The following CMTM8 variants were observed in gnomAD, a reference collection of about 807,000 sequenced individuals.
CMTM8 encodes the protein CKLF-like MARVEL transmembrane domain-containing protein 8.
CMTM8 carries 12 observed loss-of-function variants against 18.6 expected under a neutral mutation model. The ratio of observed to expected loss-of-function variants is 0.65; its 90% confidence interval spans 0.41 to 1.05. The LOEUF is 1.05. CMTM8 is among the 50% of genes least tolerant of loss of function. CMTM8 has a pLI of 0.00. For missense variants in CMTM8, 217 were observed against 227.2 expected (o/e 0.95, Z 0.29); for synonymous variants, 87 against 90.6 (o/e 0.96, Z 0.23).
At chr3:32,273,257 C>T (rs547726825) in intron 1 of CMTM8, among the ~76,000 whole-genome samples, 1 of 151,610 alleles carries the variant, frequency 6.6e-6, no homozygotes, top group Non-Finnish European at 1.5e-5. Flanking sequence ...CCACTGTGCC[C>T]AGCTAAAACA....
intron 1 of CMTM8, among the ~76,000 whole-genome samples, chr3:32,279,681 T>G (rs1479237139): frequency 1.3e-5 from 1 of 79,722 alleles, no homozygotes; most frequent in African/African-American, 5.2e-5. Flanking sequence ...TATAGTCATT[T>G]GGGTATATAC....
chr3:32,349,380 C>A (rs1416972952), intron 1 of CMTM8, among the ~76,000 whole-genome samples: 3 of 151,860 alleles, frequency 2.0e-5, no homozygotes, highest in Non-Finnish European at 2.9e-5. Context: ...TTCTTAGAAC[C>A]AAGCAGAGGG....
At position 32,370,231 on chromosome 3, in the gene CMTM8, A is replaced by G; in HGVS notation, c.*264A>G. ...ATTTTCTTAGACAATGTTTAAATAG[A>G]TAAATTGCTAATATTGAGAATGTGT... On this transcript the variant is annotated 3_prime_UTR_variant, in exon 4 of 4. Transcript: ENST00000307526. 5.4e-6 allele frequency: 1 copy of G among 184,960 alleles called. No individual in the cohort carries two copies. Among genetic ancestry groups the G allele is most frequent in the Admixed American group, 6.1e-5 (1 of 16,400 alleles). The allele number at this position is 184,960 out of a possible 1,614,324, so 11.5% of individuals were successfully genotyped here.
At chr3:32,340,394 A>G (rs1456770460) in intron 1 of CMTM8, among the ~76,000 whole-genome samples, 1 of 152,208 alleles carries the variant, frequency 6.6e-6, no homozygotes, top group Non-Finnish European at 1.5e-5. Context: ...CTGGAAAGCA[A>G]ATGTAGGGAG....
At chr3:32,342,873 C>T (rs1696526666) in intron 1 of CMTM8, among the ~76,000 whole-genome samples, 1 of 152,168 alleles carries the variant, frequency 6.6e-6, no homozygotes. Context: ...CTCATTTTGT[C>T]CTCCCACACC....
chr3:32,241,942 G>T (rs571526093), intron 1 of CMTM8, among the ~76,000 whole-genome samples: 65 of 152,290 alleles, frequency 4.3e-4, no homozygotes, highest in African/African-American at 1.5e-3. Context: ...CTATCAAGAA[G>T]CTGAGAGACA....
intron 1 of CMTM8, among the ~76,000 whole-genome samples, chr3:32,276,941 G>T (rs1287202116): frequency 6.6e-6 from 1 of 151,796 alleles, no homozygotes; most frequent in Non-Finnish European, 1.5e-5. Flanking sequence ...AGGCTAGAGT[G>T]CAGCGGCACA....
chr3:32,295,435 A>C (rs1168889528), intron 1 of CMTM8, among the ~76,000 whole-genome samples: 3 of 139,940 alleles, frequency 2.1e-5, no homozygotes, highest in African/African-American at 8.1e-5. Context: ...CAGCCTGGGC[A>C]ATAAAGCGAG....
At position 32,258,038 on chromosome 3, in the gene CMTM8, C is replaced by T. The variant is rs551900996; in HGVS notation, c.147+18919C>T. ...TATCCTGGGGACTATTTCCAGAAGTCGCTGCTGGAGGGAGGGGGGCTTTAA... is the reference window on the plus strand; with the variant it reads ...TATCCTGGGGACTATTTCCAGAAGTTGCTGCTGGAGGGAGGGGGGCTTTAA... On this transcript the variant is annotated intron_variant, in intron 1 of 3. Coordinates refer to ENST00000307526, the MANE Select transcript of CMTM8 (RefSeq NM_178868.5). Among the ~76,000 whole-genome samples, 78 of 152,176 alleles carry T rather than the reference C, an allele frequency of 5.1e-4. 1 individual carries two copies. The highest frequency in any genetic ancestry group is 9.2e-4 in the Admixed American group (14 of 15,288).
At chr3:32,238,585 G>A (rs1040192058), upstream of CMTM8, 2 of 158,942 alleles carry the variant, frequency 1.3e-5, no homozygotes, top group Admixed American at 1.3e-4. Context: ...CGGGCAACAG[G>A]TGAAGAGGGC....
In CMTM8 at chr3:32,369,893, T is replaced by G; in HGVS notation, c.448T>G (p.Phe150Val). 3 of 1,608,850 alleles carry G rather than the reference T, an allele frequency of 1.9e-6. No homozygotes were observed. The highest frequency in any genetic ancestry group is 2.6e-6 in the Non-Finnish European group (3 of 1,175,990). ...NSWAASSFFA[F>V]LVTICYAGNT... is the part of the protein sequence containing the mutation. ...GCTTTGTTTTCTCCAGTTCTTTGCC[T>G]TCCTGGTCACCATCTGCTACGCTGG... The change falls in exon 4 of 4, where the codon TTC (phenylalanine) becomes GTC (valine). Residue 150 changes from phenylalanine to valine, a missense_variant. Coordinates refer to ENST00000307526, the MANE Select transcript of CMTM8 (RefSeq NM_178868.5).
chr3:32,288,508 A>T (rs1324685490), intron 1 of CMTM8, among the ~76,000 whole-genome samples: 4 of 149,634 alleles, frequency 2.7e-5, no homozygotes, highest in Non-Finnish European at 3.0e-5. Flanking sequence ...TACAGCTATC[A>T]TTTTTTTTTT....
At chr3:32,344,678 T>A (rs1374203519) in intron 1 of CMTM8, among the ~76,000 whole-genome samples, 1 of 152,168 alleles carries the variant, frequency 6.6e-6, no homozygotes, top group Admixed American at 6.6e-5. Context: ...TAGGATCACT[T>A]GAGTCTAGGA....
intron 1 of CMTM8, among the ~76,000 whole-genome samples, chr3:32,306,991 G>A (rs531299338): frequency 1.1e-4 from 16 of 152,112 alleles, no homozygotes; most frequent in Admixed American, 2.6e-4. Context: ...GGTGGATCAC[G>A]AGGACAGGAG....
intron 1 of CMTM8, among the ~76,000 whole-genome samples, chr3:32,357,060 G>A (rs1374879874): frequency 2.0e-5 from 3 of 152,136 alleles, no homozygotes; most frequent in Non-Finnish European, 2.9e-5. Context: ...CATGGCAGGG[G>A]AAGGTGGGGT....
At chr3:32,307,972 C>A (rs1384926374) in intron 1 of CMTM8, among the ~76,000 whole-genome samples, 1 of 152,204 alleles carries the variant, frequency 6.6e-6, no homozygotes, top group Non-Finnish European at 1.5e-5. Context: ...AGAGTTTAGG[C>A]TCTGAGAAGC....
At chr3:32,319,074 A>ATATATATATATATATT in intron 1 of CMTM8, among the ~76,000 whole-genome samples, 25 of 31,524 alleles carry the variant, frequency 7.9e-4, no homozygotes, top group African/African-American at 1.2e-3. Flanking sequence ...ATATATATAT[A>ATATATATATATATATT]TTTTTTTTTT....
intron 2 of CMTM8, among the ~76,000 whole-genome samples, chr3:32,361,291 T>TTTTTTTTGTTTTTTTTG (rs1314833356): frequency 1.3e-5 from 2 of 148,648 alleles, no homozygotes; most frequent in East Asian, 2.0e-4. Flanking sequence ...TAAGAGTTTT[T>TTTTTTTTGTTTTTTTTG]TTTTCTTTCA....
chr3:32,245,467 T>G (rs1702000850), intron 1 of CMTM8, among the ~76,000 whole-genome samples: 1 of 152,178 alleles, frequency 6.6e-6, no homozygotes, highest in Non-Finnish European at 1.5e-5. Context: ...CTAGAAGCAA[T>G]CCAGTACTTG....
Sources: gnomAD v4.1 joint callset for allele counts (sites outside exome capture counted in the v4.1 genomes callset) on GRCh38, gnomAD v4.1.1 for gene constraint, MANE v1.5 for transcripts, NCBI Gene and HGNC (gene_info 2026-07-23, HGNC 2026-07-21) for gene names.